The following ZNF616 variants were observed in gnomAD, a reference collection of about 807,000 sequenced individuals.
ZNF616 encodes zinc finger protein 616.
In ZNF616, 5 loss-of-function variants were observed where a neutral mutation model predicts 7.6. That is an observed-to-expected ratio of 0.66 (90% CI 0.34 to 1.38). The LOEUF (loss-of-function observed/expected upper bound fraction) is 1.38, where lower values mean the gene tolerates loss of function less well. Ranked by LOEUF, ZNF616 falls within the 40% of genes most tolerant of loss-of-function variation. The pLI is 0.04. For synonymous variants in ZNF616, 319 were observed against 317.2 expected, an observed-to-expected ratio of 1.01 and a Z score of -0.06; for missense variants, 913 against 948.3, an observed-to-expected ratio of 0.96 and a Z score of 0.49.
intron 3 of ZNF616, among the ~76,000 whole-genome samples, chr19:52,117,906 C>T (rs1444317107): frequency 6.6e-6 from 1 of 152,058 alleles, no homozygotes; most frequent in East Asian, 1.9e-4. Flanking sequence ...GATTTCATGC[C>T]TACACCTATG....
At chr19:52,120,670 T>C (rs1353843798) in intron 3 of ZNF616, among the ~76,000 whole-genome samples, 2 of 152,214 alleles carry the variant, frequency 1.3e-5, no homozygotes, top group Admixed American at 1.3e-4. Context: ...GTGGCTAAAC[T>C]GGTATCAGTC....
chr19:52,135,396 C>G (rs1428778481), intron 1 of ZNF616, among the ~76,000 whole-genome samples: 1 of 152,144 alleles, frequency 6.6e-6, no homozygotes, highest in African/African-American at 2.4e-5. Context: ...TGCACATACC[C>G]CAGTGAGACC....
At chr19:52,126,900 T>C (rs2088913581) in intron 2 of ZNF616, among the ~76,000 whole-genome samples, 1 of 152,174 alleles carries the variant, frequency 6.6e-6, no homozygotes, top group Non-Finnish European at 1.5e-5. Context: ...ATATCTAACA[T>C]TACTGAACTT....
intron 3 of ZNF616, 42 bp from the exon 4 acceptor site, chr19:52,117,066 C>T (rs758136983): frequency 2.0e-6 from 3 of 1,488,768 alleles, no homozygotes; most frequent in East Asian, 2.3e-5. Flanking sequence ...TAAACTACTA[C>T]TATTGATAAA....
At chr19:52,128,044 G>C (rs1169427732) in intron 2 of ZNF616, among the ~76,000 whole-genome samples, 4 of 152,106 alleles carry the variant, frequency 2.6e-5, no homozygotes, top group Non-Finnish European at 5.9e-5. Flanking sequence ...GGTTCCTCCA[G>C]GTTGGGTAAC....
Position 52,115,935 on chromosome 19 carries a change from T to C in ZNF616, c.1229A>G (p.Lys410Arg), listed in dbSNP as rs1386058685. The C allele has an allele frequency of 6.2e-7, 1 of 1,614,076 alleles. No homozygotes were observed. The highest frequency in any genetic ancestry group is 8.5e-7 in the Non-Finnish European group (1 of 1,180,008). ...GAAGACCTTGCCACATTCATTGCATTTGCAAGGTTTCTCTACAGTGTGAAT... is the reference window on the plus strand; with the variant it reads ...GAAGACCTTGCCACATTCATTGCATCTGCAAGGTTTCTCTACAGTGTGAAT... Reference protein sequence around the residue: ...RRIHTVEKPCKCNECGKVFSK... With the variant: ...RRIHTVEKPCRCNECGKVFSK... Residue 410 changes from lysine to arginine, a missense_variant, in exon 4 of 4, where the codon AAA (lysine) becomes AGA (arginine). Transcript: ENST00000600228.
At position 52,137,295 on chromosome 19, in the gene ZNF616, T is replaced by C. The variant is rs897502555; in HGVS notation, c.-77+2437A>G. ...AAAATTAGCCGGGCGTGGTGGCGGG[T>C]GCCTATAGTCCCAGCTACTCAAGAG... On this transcript the variant is annotated intron_variant, in intron 1 of 3. Coordinates refer to ENST00000600228, the MANE Select transcript of ZNF616 (RefSeq NM_178523.5). Among the ~76,000 whole-genome samples the C allele has an allele frequency of 2.0e-5, 3 of 148,990 alleles. No homozygotes were observed. In the South Asian group the frequency reaches 6.3e-4, roughly 32 times the overall value.
At position 52,123,987 on chromosome 19, in the gene ZNF616, C is replaced by T. The variant is rs777407399; in HGVS notation, c.75G>A (p.Glu25=). The T allele has an allele frequency of 1.4e-5, 22 of 1,613,994 alleles. No individual in the cohort carries two copies. The highest frequency in any genetic ancestry group is 1.9e-5 in the Non-Finnish European group (22 of 1,179,976). Residue 25 remains glutamate (E), a synonymous_variant, in exon 3 of 4, where the codon GAG becomes GAA. Coordinates refer to ENST00000600228, the MANE Select transcript of ZNF616 (RefSeq NM_178523.5). ...EFSQEEWKCL[E]PVQKALYKDV... ...CCTTGTACAAAGCTTTCTGCACAGG[C>T]TCCAGGCATTTCCACTCCTCCTGAG...
intron 2 of ZNF616, among the ~76,000 whole-genome samples, chr19:52,129,521 T>G (rs1443626851): frequency 6.6e-6 from 1 of 152,136 alleles, no homozygotes; most frequent in Non-Finnish European, 1.5e-5. Flanking sequence ...ACCTTAAAAC[T>G]TAAAACAACT....
Position 52,114,873 on chromosome 19 carries a change from C to A in ZNF616, c.2291G>T (p.Arg764Leu). The change falls in exon 4 of 4, where the codon CGA becomes CTA. Residue 764 changes from arginine (R) to leucine (L), a missense_variant. By Grantham distance (102) the Arg-to-Leu change is moderately radical. Coordinates refer to ENST00000600228, the MANE Select transcript of ZNF616 (RefSeq NM_178523.5). ...AAGGCTCTCTCCAGTATGTCTTATT[C>A]GATGTTTAGTGAGGCCTGAGCGACA... ...FICRSGLTKH[R>L]IRHTGESLTT... 6.2e-7 allele frequency: 1 copy of A among 1,610,794 alleles called. No individual in the cohort carries two copies. The highest frequency in any genetic ancestry group is 1.3e-5 in the African/African-American group (1 of 74,920).
Position 52,114,576 on chromosome 19 carries a change from C to G in ZNF616, c.*242G>C, listed in dbSNP as rs958234594. ...AATGAGGGCAAGCGACAGGGAAGTG[C>G]TATGCACTTCTAAACAGCCAGACCT... On this transcript the variant is annotated 3_prime_UTR_variant, in exon 4 of 4. Transcript: ENST00000600228. 1 of 446,080 alleles carries G rather than the reference C, an allele frequency of 2.2e-6. No individual in the cohort carries two copies. The highest frequency in any genetic ancestry group is 3.9e-6 in the Non-Finnish European group (1 of 253,232). The allele number at this position is 446,080 out of a possible 1,614,324, so 27.6% of individuals were successfully genotyped here. A position where few individuals can be genotyped will look rare whatever the true frequency, so the allele number is the denominator to read the frequency against.
At chr19:52,126,257 A>G (rs2088906486) in intron 2 of ZNF616, among the ~76,000 whole-genome samples, 1 of 152,220 alleles carries the variant, frequency 6.6e-6, no homozygotes, top group Non-Finnish European at 1.5e-5. Context: ...GCCGGGCATG[A>G]TTGCTCACAA....
In ZNF616 at chr19:52,116,909, T is replaced by C. The variant is rs745655812; in HGVS notation, c.255A>G (p.Leu85=). The C allele has an allele frequency of 3.7e-6, 6 of 1,613,926 alleles. No individual in the cohort carries two copies. In the East Asian group the frequency reaches 1.3e-4, roughly 36 times the overall value. ...ERHQSYDIEN[L]YFREIQKHLH... ...GATGTTTCTGTATTTCCCTGAAGTA[T>C]AAATTTTCAATATCATAGCTTTGAT... Residue 85 remains leucine (L), a synonymous_variant, in exon 4 of 4, where the codon TTA becomes TTG. Transcript: ENST00000600228.
rs1291347441 is a variant in ZNF616 at position 52,139,059 on chromosome 19, G to A, written c.-77+673C>T. The stretch of plus-strand genomic sequence containing the variant: ...TCTCCATGCGTCCTCTTGCACTCTT[G>A]CTCTCTTTGCCAGTACCTAAATTAT... On this transcript the variant is annotated intron_variant, in intron 1 of 3. Coordinates refer to ENST00000600228, the MANE Select transcript of ZNF616 (RefSeq NM_178523.5). The surrounding 1 kb of genome is among the most constrained non-coding windows in gnomAD (Gnocchi z 4.1). Among the ~76,000 whole-genome samples the A allele has an allele frequency of 2.0e-5, 3 of 152,032 alleles. No individual in the cohort carries two copies. The East Asian group carries it at 5.8e-4, about 29-fold the overall frequency.
intron 2 of ZNF616, among the ~76,000 whole-genome samples, chr19:52,128,904 T>C (rs532793666): frequency 6.6e-6 from 1 of 151,540 alleles, no homozygotes. Context: ...ATCTCACAGT[T>C]ACTTTTTTTT....
chr19:52,113,527 G>A lies in ZNF616; in HGVS notation c.*1291C>T, dbSNP rs2088789054. On this transcript the variant is annotated 3_prime_UTR_variant, in exon 4 of 4. Coordinates refer to ENST00000600228, the MANE Select transcript of ZNF616 (RefSeq NM_178523.5). ...GTTACATAGGAAAATGTGTGCCATG[G>A]TGGTTTGCTGCATCTACCAACCCAT... 1 of 152,184 alleles carries A rather than the reference G, an allele frequency of 6.6e-6. No individual in the cohort carries two copies. Among genetic ancestry groups the A allele is most frequent in the Non-Finnish European group, 1.5e-5 (1 of 68,038 alleles). The allele number at this position is 152,184 out of a possible 1,614,324, so 9.4% of individuals were successfully genotyped here.
chr19:52,121,304 A>G (rs1055250680), intron 3 of ZNF616, among the ~76,000 whole-genome samples: 3 of 152,214 alleles, frequency 2.0e-5, no homozygotes, highest in Non-Finnish European at 4.4e-5. Flanking sequence ...ACACATTTTA[A>G]AGACTGAAAT....
rs747685317 is a variant in ZNF616, at chr19:52,115,933, A to G, written c.1231T>C (p.Cys411Arg). The G allele has an allele frequency of 1.9e-6, 3 of 1,614,140 alleles. No individual in the cohort carries two copies. The highest frequency in any genetic ancestry group is 2.5e-6 in the Non-Finnish European group (3 of 1,180,024). Residue 411 changes from cysteine to arginine, a missense_variant, in exon 4 of 4, where the codon TGC becomes CGC. Cys to Arg is a radical substitution (Grantham distance 180). Coordinates refer to ENST00000600228, the MANE Select transcript of ZNF616 (RefSeq NM_178523.5). Reference sequence around the variant, plus strand: ...CTGAAGACCTTGCCACATTCATTGCATTTGCAAGGTTTCTCTACAGTGTGA... The same window carrying G: ...CTGAAGACCTTGCCACATTCATTGCGTTTGCAAGGTTTCTCTACAGTGTGA... ...RIHTVEKPCK[C>R]NECGKVFSKR...
At chr19:52,117,220 T>G (rs1395805924) in intron 3 of ZNF616, among the ~76,000 whole-genome samples, 196 bp from the exon 4 acceptor site, 2 of 152,190 alleles carry the variant, frequency 1.3e-5, no homozygotes, top group Non-Finnish European at 2.9e-5. Flanking sequence ...CTACATGTAA[T>G]TCAAATTAAG....
Sources: gnomAD v4.1 joint callset for allele counts (sites outside exome capture counted in the v4.1 genomes callset) on GRCh38, gnomAD v4.1.1 for gene constraint, Gnocchi (gnomAD v3.1) non-coding constraint, MANE v1.5 for transcripts, NCBI Gene and HGNC (gene_info 2026-07-23, HGNC 2026-07-21) for gene names.